PTPRT: variants seen among roughly 807,000 people sequenced by gnomAD.
The protein encoded by PTPRT is receptor-type tyrosine-protein phosphatase T.
A neutral mutation model predicts 176.8 loss-of-function variants in PTPRT; 56 were observed. The ratio of observed to expected loss-of-function variants is 0.32; its 90% CI spans 0.26 to 0.40. PTPRT has a LOEUF of 0.40. Ranked by LOEUF, PTPRT falls within the 10% of genes least tolerant of loss-of-function variation. PTPRT has a pLI of 1.00. For missense variants in PTPRT, 1,540 were observed against 1,908.2 expected (o/e 0.81, Z 3.60); for synonymous variants, 783 against 739.0 (o/e 1.06, Z -0.96).
At chr20:42,063,084 A>G in the PTPRT span, among the ~76,000 whole-genome samples, 3 of 152,208 alleles carry the variant, frequency 2.0e-5, no homozygotes, top group African/African-American at 7.2e-5. Context: ...GATTTTAGTC[A>G]TATTCCTAGT....
chr20:42,213,018 CT>C (rs2146748687), intron 15 of PTPRT, among the ~76,000 whole-genome samples: 1 of 152,240 alleles, frequency 6.6e-6, no homozygotes, highest in South Asian at 2.1e-4. Context: ...CATTCAGAAG[CT>C]TTCCAGGTGA....
intron 1 of PTPRT, among the ~76,000 whole-genome samples, chr20:42,906,301 T>C (rs1178619281): frequency 6.6e-6 from 1 of 152,094 alleles, no homozygotes; most frequent in Non-Finnish European, 1.5e-5. Context: ...GACACAGAAT[T>C]TGGCCGGGGC....
intron 6 of PTPRT, among the ~76,000 whole-genome samples, chr20:42,702,521 C>T (rs138996228): frequency 6.6e-5 from 10 of 152,266 alleles, no homozygotes; most frequent in African/African-American, 2.4e-4. Flanking sequence ...ACACTGAACC[C>T]CCATGGATCC....
At chr20:42,315,662 T>C in intron 12 of PTPRT, 61 bp downstream of exon 12, 3 of 1,560,664 alleles carry the variant, frequency 1.9e-6, no homozygotes, top group Middle Eastern at 2.1e-4. Flanking sequence ...TGCTGACTTA[T>C]CATTTGAGAA....
intron 2 of PTPRT, among the ~76,000 whole-genome samples, chr20:42,857,466 T>C (rs1389833042): frequency 6.6e-6 from 1 of 152,224 alleles, no homozygotes; most frequent in African/African-American, 2.4e-5. Flanking sequence ...TTGTCTATTC[T>C]TTTAACCTTT....
intron 7 of PTPRT, among the ~76,000 whole-genome samples, chr20:42,523,107 T>C (rs2072206213): frequency 6.6e-6 from 1 of 152,220 alleles, no homozygotes; most frequent in South Asian, 2.1e-4. Context: ...TGTTGACCCC[T>C]TGTTTTTATC....
At chr20:42,660,644 T>C (rs1341700019) in intron 7 of PTPRT, among the ~76,000 whole-genome samples, 1 of 152,162 alleles carries the variant, frequency 6.6e-6, no homozygotes, top group Non-Finnish European at 1.5e-5. Flanking sequence ...CTCCACAACA[T>C]TCATTCATGC....
chr20:42,232,836 A>T (rs1033672783), intron 15 of PTPRT, among the ~76,000 whole-genome samples: 25 of 143,896 alleles, frequency 1.7e-4, no homozygotes, highest in African/African-American at 6.4e-4. Flanking sequence ...AAAAAAAAAA[A>T]GGTGAAAGGT....
chr20:42,321,920 A>T (rs950243326), intron 11 of PTPRT, among the ~76,000 whole-genome samples: 3 of 152,158 alleles, frequency 2.0e-5, no homozygotes, highest in African/African-American at 7.2e-5. Flanking sequence ...AAATACAAAA[A>T]AAATTAGCCA....
intron 1 of PTPRT, among the ~76,000 whole-genome samples, chr20:42,956,705 G>A (rs1362076532): frequency 6.6e-6 from 1 of 152,130 alleles, no homozygotes; most frequent in Non-Finnish European, 1.5e-5. Flanking sequence ...GGGCAGAGGA[G>A]ACTGTGACAA....
intron 16 of PTPRT, among the ~76,000 whole-genome samples, chr20:42,194,034 C>T (rs1991102670): frequency 6.6e-6 from 1 of 152,158 alleles, no homozygotes; most frequent in South Asian, 2.1e-4. Flanking sequence ...GTTTCCTCAT[C>T]TGTAGAATGG....
intron 1 of PTPRT, among the ~76,000 whole-genome samples, chr20:43,182,737 G>A (rs1008167562): frequency 6.6e-6 from 1 of 152,044 alleles, no homozygotes; most frequent in African/African-American, 2.4e-5. Context: ...AACTATTAGC[G>A]TGAAGTTCCT....
At chr20:42,807,478 G>C (rs768219124) in intron 2 of PTPRT, among the ~76,000 whole-genome samples, 1 of 152,096 alleles carries the variant, frequency 6.6e-6, no homozygotes, top group East Asian at 1.9e-4. Context: ...AAGAGTTCCC[G>C]AGCCCTGTGC....
intron 14 of PTPRT, among the ~76,000 whole-genome samples, chr20:42,243,570 A>C (rs1365386794): frequency 2.0e-5 from 3 of 152,206 alleles, no homozygotes; most frequent in Non-Finnish European, 4.4e-5. Context: ...AGGACATTTC[A>C]TTCAGGGAAA....
chr20:42,316,414 A>C (rs1300309058), intron 11 of PTPRT, among the ~76,000 whole-genome samples: 1 of 152,168 alleles, frequency 6.6e-6, no homozygotes, highest in East Asian at 1.9e-4. Flanking sequence ...GCAGGTTTGC[A>C]TCTGCCCCAC....
At position 42,754,320 on chromosome 20, in the gene PTPRT, G is replaced by C. The variant is rs149161386; in HGVS notation, c.859+2142C>G. Reference sequence around the variant, plus strand: ...CCTGCCTCAACCTCCCGAGCAGCTGGGACTAGAGGCACGAGCCACCACACC... The same window carrying C: ...CCTGCCTCAACCTCCCGAGCAGCTGCGACTAGAGGCACGAGCCACCACACC... On this transcript the variant is annotated intron_variant, in intron 6 of 30. Coordinates refer to ENST00000373187, the MANE Select transcript of PTPRT (RefSeq NM_007050.6). 1.8e-3 allele frequency among the ~76,000 whole-genome samples: 272 copies of C among 152,222 alleles called. 8 individuals carry two copies. In the East Asian group the frequency reaches 0.04, roughly 22 times the overall value.
chr20:42,376,173 T>C (rs2058647126), intron 9 of PTPRT, among the ~76,000 whole-genome samples: 1 of 152,190 alleles, frequency 6.6e-6, no homozygotes, highest in Non-Finnish European at 1.5e-5. Context: ...GGATGAAAGA[T>C]GGAAACGCTC....
At chr20:42,699,955 C>T (rs55707675) in intron 6 of PTPRT, among the ~76,000 whole-genome samples, 15,242 of 152,158 alleles carry the variant, frequency 0.1, 961 homozygotes, top group Middle Eastern at 0.18. Context: ...AAATAGATGA[C>T]GTGTCATGTG....
intron 7 of PTPRT, among the ~76,000 whole-genome samples, chr20:42,530,752 G>A (rs756153589): frequency 5.9e-5 from 9 of 152,180 alleles, no homozygotes; most frequent in African/African-American, 9.7e-5. Flanking sequence ...GGAATAGAGC[G>A]GGGAGATTCA....
Sources: gnomAD v4.1 joint callset for allele counts (sites outside exome capture counted in the v4.1 genomes callset) on GRCh38, gnomAD v4.1.1 for gene constraint, MANE v1.5 for transcripts, NCBI Gene and HGNC (gene_info 2026-07-23, HGNC 2026-07-21) for gene names.